Variants in PIK3C2G observed in about 807,000 individuals in gnomAD.
The protein encoded by PIK3C2G is phosphatidylinositol-4-phosphate 3-kinase catalytic subunit type 2 gamma.
A neutral mutation model predicts 181.1 loss-of-function variants in PIK3C2G; 168 were observed. That is an observed-to-expected ratio of 0.93 (90% confidence interval 0.82 to 1.05). The LOEUF is 1.05. Among genes scored for constraint, PIK3C2G ranks in the 50% least tolerant of loss-of-function variants. The probability of loss-of-function intolerance (pLI) is 0.00; values close to 1 mark genes in which losing one functional copy is unlikely to be tolerated. For missense variants in PIK3C2G, 1,869 were observed against 1,732.8 expected (o/e 1.08, Z -1.40); for synonymous variants, 573 against 592.2 (o/e 0.97, Z 0.47).
At chr12:18,580,148 G>C (rs926695305) in intron 29 of PIK3C2G, among the ~76,000 whole-genome samples, 24 of 143,280 alleles carry the variant, frequency 1.7e-4, no homozygotes, top group Middle Eastern at 3.7e-3. Flanking sequence ...AAAAAAAAGA[G>C]AGAGAGAGAG....
intron 11 of PIK3C2G, among the ~76,000 whole-genome samples, chr12:18,351,801 G>C (rs546587721): frequency 6.6e-6 from 1 of 152,274 alleles, no homozygotes; most frequent in South Asian, 2.1e-4. Flanking sequence ...CTCATGCATA[G>C]CTTATGACTT....
chr12:18,481,034 G>C (rs575406925), intron 18 of PIK3C2G, among the ~76,000 whole-genome samples: 267 of 152,238 alleles, frequency 1.8e-3, no homozygotes, highest in African/African-American at 6.1e-3. Context: ...CCAGGCTCAA[G>C]CAATTCTCCT....
intron 18 of PIK3C2G, among the ~76,000 whole-genome samples, chr12:18,437,811 T>A (rs1477930251): frequency 6.6e-6 from 1 of 151,966 alleles, no homozygotes; most frequent in Non-Finnish European, 1.5e-5. Flanking sequence ...AATTACTAGA[T>A]ATTATAGGGA....
the PIK3C2G span, among the ~76,000 whole-genome samples, chr12:18,662,050 C>T: frequency 6.6e-6 from 1 of 152,026 alleles, no homozygotes; most frequent in Non-Finnish European, 1.5e-5. Flanking sequence ...TGCGTGTTCT[C>T]CCGTATTAAG....
At chr12:18,557,014 G>A (rs1217165570) in intron 26 of PIK3C2G, among the ~76,000 whole-genome samples, 1 of 152,110 alleles carries the variant, frequency 6.6e-6, no homozygotes, top group African/African-American at 2.4e-5. Flanking sequence ...GGACATGGCA[G>A]ATTAGTTGTA....
At chr12:18,394,578 T>C (rs1248167385) in intron 15 of PIK3C2G, among the ~76,000 whole-genome samples, 1 of 151,968 alleles carries the variant, frequency 6.6e-6, no homozygotes, top group Non-Finnish European at 1.5e-5. Flanking sequence ...TTTAAAAAGA[T>C]GTATATGAAT....
chr12:18,621,398 G>T (rs1252957846), intron 31 of PIK3C2G, among the ~76,000 whole-genome samples: 1 of 151,736 alleles, frequency 6.6e-6, no homozygotes, highest in Non-Finnish European at 1.5e-5. Flanking sequence ...CAAAATCTGG[G>T]ATCTAATTAG....
At chr12:18,288,861 C>T (rs1471631544) in intron 3 of PIK3C2G, among the ~76,000 whole-genome samples, 1 of 152,026 alleles carries the variant, frequency 6.6e-6, no homozygotes, top group African/African-American at 2.4e-5. Flanking sequence ...CTAGTGACAT[C>T]GAAATACTTG....
intron 18 of PIK3C2G, among the ~76,000 whole-genome samples, chr12:18,435,253 C>G (rs1946386341): frequency 6.6e-6 from 1 of 152,062 alleles, no homozygotes. Context: ...AGTCTTGATT[C>G]TCTTTTCTCA....
intron 16 of PIK3C2G, among the ~76,000 whole-genome samples, chr12:18,404,193 T>C (rs1944399171): frequency 1.3e-5 from 2 of 152,198 alleles, no homozygotes; most frequent in African/African-American, 4.8e-5. Flanking sequence ...ATTTAATTTA[T>C]ACTGATGCCA....
intron 18 of PIK3C2G, among the ~76,000 whole-genome samples, chr12:18,429,642 T>G (rs529765801): frequency 6.6e-6 from 1 of 152,294 alleles, no homozygotes; most frequent in East Asian, 1.9e-4. Flanking sequence ...CATGTCACAC[T>G]CTTCCATGTA....
chr12:18,536,640 T>C (rs953835599), intron 24 of PIK3C2G, among the ~76,000 whole-genome samples: 4 of 152,022 alleles, frequency 2.6e-5, no homozygotes, highest in Non-Finnish European at 4.4e-5. Context: ...TCACAGCAAT[T>C]CTAAGAGTTA....
At chr12:18,619,254 C>T (rs12817278) in intron 31 of PIK3C2G, among the ~76,000 whole-genome samples, 18,589 of 151,806 alleles carry the variant, frequency 0.12, 1,308 homozygotes, top group East Asian at 0.15. Flanking sequence ...GACAGTGGAA[C>T]GTCTTTAAAA....
chr12:18,437,021 G>T (rs992232010), intron 18 of PIK3C2G, among the ~76,000 whole-genome samples: 1 of 151,918 alleles, frequency 6.6e-6, no homozygotes, highest in South Asian at 2.1e-4. Context: ...TTCTCTATGA[G>T]CATTGGGGAA....
At chr12:18,427,998 G>C (rs1417773654) in intron 18 of PIK3C2G, among the ~76,000 whole-genome samples, 2 of 152,002 alleles carry the variant, frequency 1.3e-5, no homozygotes, top group African/African-American at 4.8e-5. Context: ...GTGTCATGGG[G>C]ATTTATTGTG....
At chr12:18,387,979 G>A (rs911952355) in intron 14 of PIK3C2G, among the ~76,000 whole-genome samples, 1 of 152,138 alleles carries the variant, frequency 6.6e-6, no homozygotes, top group African/African-American at 2.4e-5. Flanking sequence ...TCACTCATTC[G>A]AAGTATTTTA....
rs187965150 is a variant in PIK3C2G, at chr12:18,560,823, A to G, written c.3591-1880A>G. ...TTAAAAAAATGACCCAGAAAAACCA[A>G]TACAGAAGCATGTTTTAGAAAAACT... On this transcript the variant is annotated intron_variant, in intron 26 of 32. Coordinates refer to ENST00000538779, the MANE Select transcript of PIK3C2G (RefSeq NM_001288772.2). 5.7e-3 allele frequency among the ~76,000 whole-genome samples: 862 copies of G among 152,314 alleles called. 7 individuals are homozygous for G. Among genetic ancestry groups the G allele is most frequent in the African/African-American group, 0.02 (829 of 41,582 alleles).
At chr12:18,503,741 C>G (rs540615636) in intron 23 of PIK3C2G, among the ~76,000 whole-genome samples, 1 of 152,098 alleles carries the variant, frequency 6.6e-6, no homozygotes, top group Admixed American at 6.5e-5. Context: ...CTATAAATAT[C>G]CCTTCTTTTC....
chr12:18,555,750 T>G (rs188914617), intron 26 of PIK3C2G, among the ~76,000 whole-genome samples: 101 of 152,248 alleles, frequency 6.6e-4, no homozygotes, highest in African/African-American at 2.3e-3. Context: ...ACCTGAGAAT[T>G]CCACAAGTTA....
Sources: allele counts gnomAD v4.1 joint callset (sites outside exome capture counted in the v4.1 genomes callset), GRCh38; gene constraint gnomAD v4.1.1; transcripts MANE v1.5; gene names NCBI Gene and HGNC (gene_info 2026-07-23, HGNC 2026-07-21).